PIBF1: variants seen among roughly 807,000 people sequenced by gnomAD.
PIBF1 encodes progesterone-induced-blocking factor 1.
In PIBF1, 90 loss-of-function variants were observed where a neutral mutation model predicts 112.5. The observed-to-expected ratio is 0.80, with a 90% confidence interval of 0.67 to 0.95. The LOEUF is 0.95. Among genes scored for constraint, PIBF1 ranks in the 40% least tolerant of loss-of-function variants. PIBF1 has a pLI of 0.00. For synonymous variants in PIBF1, 301 were observed against 288.6 expected (o/e 1.04, Z -0.44); for missense variants, 915 against 852.3 (o/e 1.07, Z -0.92).
chr13:72,996,856 T>G (rs1044165934), intron 16 of PIBF1, among the ~76,000 whole-genome samples: 1 of 152,190 alleles, frequency 6.6e-6, no homozygotes, highest in Non-Finnish European at 1.5e-5. Context: ...CATAATAAAA[T>G]TGAAAATGTG....
rs1647200891 is a variant in PIBF1 at position 72,888,331 on chromosome 13, TATGC to T, written c.1323-5450_1323-5447del. Among the ~76,000 whole-genome samples the T allele has an allele frequency of 2.0e-5, 3 of 152,278 alleles. No homozygotes were observed. In the South Asian group the frequency reaches 6.2e-4, roughly 32 times the overall value. On this transcript the variant is annotated intron_variant, in intron 10 of 17. Transcript: ENST00000326291. ...ATATGAAAGCATAATTCATATGTAA[TATGC>T]ATAGCAAACATTTATAGAGAATAAT...
rs567960981 is a variant in PIBF1 at position 72,914,444 on chromosome 13, T to C, written c.1640-2632T>C. On this transcript the variant is annotated intron_variant, in intron 12 of 17. Coordinates refer to ENST00000326291, the MANE Select transcript of PIBF1 (RefSeq NM_006346.4). ...CTGCCACACATCCTCATCATACTTA[T>C]AACCTTCACTAGGCATTTGTCGAAT... is the stretch of plus-strand genomic sequence containing the variant. Among the ~76,000 whole-genome samples, 65 of 152,338 alleles carry C rather than the reference T, an allele frequency of 4.3e-4. 1 individual carries two copies. The South Asian group carries it at 0.013, about 31-fold the overall frequency.
At chr13:73,012,025 A>G (rs1486315048) in intron 17 of PIBF1, among the ~76,000 whole-genome samples, 2 of 152,174 alleles carry the variant, frequency 1.3e-5, no homozygotes, top group Non-Finnish European at 2.9e-5. Context: ...CAAAAAGGAG[A>G]AATACTAGAG....
At chr13:72,829,034 G>T (rs7990473) in intron 8 of PIBF1, among the ~76,000 whole-genome samples, 2,269 of 152,338 alleles carry the variant, frequency 0.015, 62 homozygotes, top group African/African-American at 0.051. Flanking sequence ...AATGACCAGT[G>T]ATGATGAGCA....
chr13:72,962,384 C>G (rs1417954387), intron 14 of PIBF1, among the ~76,000 whole-genome samples: 1 of 152,102 alleles, frequency 6.6e-6, no homozygotes, highest in Non-Finnish European at 1.5e-5. Context: ...ATTGCTTGAG[C>G]TCAGGAGTTC....
In PIBF1 at chr13:72,847,139, A is replaced by G. The variant is rs576677216; in HGVS notation, c.1224-6918A>G. On this transcript the variant is annotated intron_variant, in intron 9 of 17. Coordinates refer to ENST00000326291, the MANE Select transcript of PIBF1 (RefSeq NM_006346.4). The stretch of plus-strand genomic sequence containing the variant: ...CTACTTTGTAAATCTTAACACATTA[A>G]TGGATTTAAGCAAATATTTTGCATT... Among the ~76,000 whole-genome samples, 12 of 152,300 alleles carry G rather than the reference A, an allele frequency of 7.9e-5. No individual in the cohort carries two copies. In the East Asian group the frequency reaches 2.3e-3, roughly 29 times the overall value.
In PIBF1 at chr13:72,992,500, C is replaced by T. The variant is rs146216422; in HGVS notation, c.2050-6322C>T. On this transcript the variant is annotated intron_variant, in intron 16 of 17. Transcript: ENST00000326291. ...CCTGCTACACAAATTATCGCATCCA[C>T]GTACACAGAGATTGTACTCAATGGT... is the stretch of plus-strand genomic sequence containing the variant. 1.1e-3 allele frequency among the ~76,000 whole-genome samples: 168 copies of T among 152,198 alleles called. 1 individual carries two copies. The highest frequency in any genetic ancestry group is 1.1e-3 in the Non-Finnish European group (78 of 68,000).
At chr13:72,786,817 T>C (rs1263676250) in intron 2 of PIBF1, among the ~76,000 whole-genome samples, 2 of 152,228 alleles carry the variant, frequency 1.3e-5, no homozygotes, top group East Asian at 3.8e-4. Context: ...GCTTGAAGAC[T>C]CTTTAGGAAT....
intron 14 of PIBF1, among the ~76,000 whole-genome samples, chr13:72,961,978 T>A (rs900980783): frequency 1.3e-5 from 2 of 152,070 alleles, no homozygotes; most frequent in East Asian, 3.9e-4. Flanking sequence ...TGAAAAAAAA[T>A]TAACAAAGCA....
chr13:73,000,794 C>T (rs544006950), intron 17 of PIBF1, among the ~76,000 whole-genome samples: 4 of 152,188 alleles, frequency 2.6e-5, no homozygotes, highest in South Asian at 2.1e-4. Context: ...TCTGGAATAC[C>T]GGCTATAATC....
At chr13:72,789,950 A>G (rs182979472) in intron 2 of PIBF1, among the ~76,000 whole-genome samples, 15 of 152,270 alleles carry the variant, frequency 9.9e-5, no homozygotes, top group African/African-American at 3.6e-4. Context: ...GAATGTGTTT[A>G]TTTTACATTT....
chr13:72,988,968 G>T (rs2043388935), intron 16 of PIBF1, among the ~76,000 whole-genome samples: 1 of 152,116 alleles, frequency 6.6e-6, no homozygotes, highest in Non-Finnish European at 1.5e-5. Flanking sequence ...AACCCAGGAG[G>T]GGAAGGTTGC....
At chr13:72,808,902 A>G (rs1471517533) in intron 5 of PIBF1, among the ~76,000 whole-genome samples, 1 of 152,194 alleles carries the variant, frequency 6.6e-6, no homozygotes, top group Non-Finnish European at 1.5e-5. Context: ...TGACAACTCC[A>G]TAGTGGTTTA....
intron 11 of PIBF1, among the ~76,000 whole-genome samples, chr13:72,904,703 A>G (rs1167791149): frequency 6.6e-6 from 1 of 151,748 alleles, no homozygotes; most frequent in East Asian, 1.9e-4. Context: ...GTCCTCCCAA[A>G]GTGCTGGGAT....
At chr13:72,966,375 TAGG>T (rs2138916097) in intron 15 of PIBF1, among the ~76,000 whole-genome samples, 1 of 152,348 alleles carries the variant, frequency 6.6e-6, no homozygotes, top group African/African-American at 2.4e-5. Flanking sequence ...TTAAATAATT[TAGG>T]AGCACATTTA....
At chr13:72,836,400 G>A (rs987366600) in intron 9 of PIBF1, among the ~76,000 whole-genome samples, 2 of 151,996 alleles carry the variant, frequency 1.3e-5, no homozygotes, top group African/African-American at 4.8e-5. Flanking sequence ...TAATAGCATT[G>A]TACCATGTCA....
rs1008703160 is a variant in PIBF1 at position 72,931,082 on chromosome 13, A to G, written c.1731-83A>G. On this transcript the variant is annotated intron_variant, in intron 13 of 17. Coordinates refer to ENST00000326291, the MANE Select transcript of PIBF1 (RefSeq NM_006346.4). Reference sequence around the variant, plus strand: ...TAAGTATAATTAGGAAATGATGTCTATTTTCAAGTACACAAACACATTTTG... The same window carrying G: ...TAAGTATAATTAGGAAATGATGTCTGTTTTCAAGTACACAAACACATTTTG... 7.1e-5 allele frequency: 54 copies of G among 765,340 alleles called. 1 individual carries two copies. Among genetic ancestry groups the G allele is most frequent in the South Asian group, 2.0e-4 (12 of 59,934 alleles). The allele number at this position is 765,340 out of a possible 1,614,324, so 47.4% of individuals were successfully genotyped here.
rs368852694 is a variant in PIBF1, at chr13:72,914,341, A to C, written c.1640-2735A>C. ...GATTTCATCAAGTTGTTAAAAGTAT[A>C]AGTATTGTCTAAAAGCTAAATAAAC... On this transcript the variant is annotated intron_variant, in intron 12 of 17. Transcript: ENST00000326291. Among the ~76,000 whole-genome samples, 21 of 152,118 alleles carry C rather than the reference A, an allele frequency of 1.4e-4. 1 individual carries two copies. In the East Asian group the frequency reaches 1.5e-3, roughly 11 times the overall value.
intron 15 of PIBF1, among the ~76,000 whole-genome samples, chr13:72,967,787 AG>A (rs1281314293): frequency 6.6e-6 from 1 of 152,194 alleles, no homozygotes; most frequent in Non-Finnish European, 1.5e-5. Context: ...AGATTTTAAA[AG>A]GAAGTTTTCA....
Sources: gnomAD v4.1 joint callset for allele counts (sites outside exome capture counted in the v4.1 genomes callset) on GRCh38, gnomAD v4.1.1 for gene constraint, MANE v1.5 for transcripts, NCBI Gene and HGNC (gene_info 2026-07-23, HGNC 2026-07-21) for gene names.